LINGO2: variants seen among roughly 807,000 people sequenced by gnomAD.
LINGO2 encodes the protein leucine rich repeat and Ig domain containing 2, also known as leucine-rich repeat and immunoglobulin-like domain-containing nogo receptor-interacting protein 2.
A neutral mutation model predicts 30.6 loss-of-function variants in LINGO2; 14 were observed. The ratio of observed to expected loss-of-function variants is 0.46; its 90% CI spans 0.30 to 0.72. The LOEUF (loss-of-function observed/expected upper bound fraction) is 0.72. Among genes scored for constraint, LINGO2 ranks in the 30% least tolerant of loss-of-function variants. The pLI is 0.07. For synonymous variants in LINGO2, 317 were observed against 288.5 expected (o/e 1.10, Z -1.00); for missense variants, 729 against 751.7 (o/e 0.97, Z 0.35).
chr9:29,181,802 CCT>C, the LINGO2 span, among the ~76,000 whole-genome samples: 2 of 152,070 alleles, frequency 1.3e-5, no homozygotes, highest in Non-Finnish European at 2.9e-5. Flanking sequence ...AATTTGTATT[CCT>C]CTGAGTATTA....
intron 3 of LINGO2, among the ~76,000 whole-genome samples, chr9:28,305,881 C>G (rs187156816): frequency 1.3e-5 from 2 of 152,180 alleles, no homozygotes; most frequent in Non-Finnish European, 2.9e-5. Flanking sequence ...ACTATATTTA[C>G]ATTTAAGAGA....
the LINGO2 span, among the ~76,000 whole-genome samples, chr9:29,161,314 G>T: frequency 6.6e-6 from 1 of 151,974 alleles, no homozygotes; most frequent in African/African-American, 2.4e-5. Context: ...CACAGCCCCT[G>T]GGTGTTCTTT....
At chr9:29,087,842 A>T in the LINGO2 span, among the ~76,000 whole-genome samples, 1 of 152,082 alleles carries the variant, frequency 6.6e-6, no homozygotes, top group Non-Finnish European at 1.5e-5. Flanking sequence ...CAGCCCTGGG[A>T]TCCTGGGAAT....
rs935156986 is a variant in LINGO2 at position 28,109,728 on chromosome 9, C to A, written c.-86-97323G>T. Among the ~76,000 whole-genome samples the A allele has an allele frequency of 3.3e-5, 5 of 151,970 alleles. 1 individual carries two copies. Among genetic ancestry groups the A allele is most frequent in the African/African-American group, 1.2e-4 (5 of 41,382 alleles). On this transcript the variant is annotated intron_variant, in intron 4 of 5. Coordinates refer to ENST00000379992, the Ensembl canonical transcript of LINGO2. ...TCTTCAAGAACTACAAACCTCTGCT[C>A]AAGGAAATAAGAGAGGACACAAACA...
At chr9:28,752,171 G>T in the LINGO2 span, among the ~76,000 whole-genome samples, 4 of 151,866 alleles carry the variant, frequency 2.6e-5, no homozygotes, top group Non-Finnish European at 5.9e-5. Flanking sequence ...TGAACAACCT[G>T]GAAACATTGT....
chr9:28,872,178 G>C, the LINGO2 span, among the ~76,000 whole-genome samples: 6 of 151,956 alleles, frequency 3.9e-5, no homozygotes, highest in Admixed American at 2.6e-4. Flanking sequence ...CAAAATGATG[G>C]GCATGATAAA....
chr9:29,033,531 T>C, the LINGO2 span, among the ~76,000 whole-genome samples: 60,932 of 151,306 alleles, frequency 0.4, 12,445 homozygotes, highest in East Asian at 0.54. Flanking sequence ...ATAGAAGTGT[T>C]GCCAAGATTG....
the LINGO2 span, among the ~76,000 whole-genome samples, chr9:29,096,867 T>A: frequency 1.1e-4 from 15 of 139,690 alleles, 4 homozygotes; most frequent in African/African-American, 1.6e-4. Context: ...AATAATGAGA[T>A]TTTTTCAACA....
In LINGO2 at chr9:28,644,974, C is replaced by A. The variant is rs1827771349; in HGVS notation, c.-365+25226G>T. ...AAAAGAAGGGACAATTTAAAAATCC[C>A]AGATGATTACAAGGACAGGCCAATT... On this transcript the variant is annotated intron_variant, in intron 1 of 5. Coordinates refer to ENST00000379992, the Ensembl canonical transcript of LINGO2. Among the ~76,000 whole-genome samples the A allele has an allele frequency of 3.9e-5, 6 of 152,056 alleles. No homozygotes were observed. The South Asian group carries it at 1.2e-3, about 32-fold the overall frequency.
chr9:29,077,167 TTG>T, the LINGO2 span, among the ~76,000 whole-genome samples: 11 of 152,106 alleles, frequency 7.2e-5, no homozygotes, highest in African/African-American at 2.4e-4. Context: ...CTAATATTAT[TTG>T]TGTTACACAA....
chr9:28,548,702 CAAAAAAAAAAAA>C (rs147347396), intron 1 of LINGO2, among the ~76,000 whole-genome samples: 6 of 63,344 alleles, frequency 9.5e-5, no homozygotes, highest in African/African-American at 4.4e-4. Context: ...GACTCCATCT[CAAAAAAAAAAAA>C]AAAAAAAAAA....
the LINGO2 span, among the ~76,000 whole-genome samples, chr9:29,200,283 T>C: frequency 1.3e-5 from 2 of 152,070 alleles, no homozygotes; most frequent in African/African-American, 4.8e-5. Flanking sequence ...AAACGTAATG[T>C]ATTTCCAACA....
chr9:29,123,943 T>C, the LINGO2 span, among the ~76,000 whole-genome samples: 1 of 151,950 alleles, frequency 6.6e-6, no homozygotes, highest in Admixed American at 6.6e-5. Context: ...ACCCAATTTC[T>C]ATTTCACAAA....
At chr9:29,186,571 C>A in the LINGO2 span, among the ~76,000 whole-genome samples, 6 of 152,010 alleles carry the variant, frequency 3.9e-5, no homozygotes, top group African/African-American at 1.4e-4. Context: ...GGGATACTAG[C>A]CATCAGAATA....
intron 4 of LINGO2, among the ~76,000 whole-genome samples, chr9:28,244,713 G>A (rs11496265): frequency 0.47 from 71,534 of 151,350 alleles, 17,059 homozygotes; most frequent in African/African-American, 0.53. Context: ...AGAAATGGAT[G>A]AATTCCTGGA....
the LINGO2 span, among the ~76,000 whole-genome samples, chr9:28,964,213 T>C: frequency 3.3e-3 from 503 of 152,032 alleles, 13 homozygotes; most frequent in Admixed American, 0.03. Flanking sequence ...TCAGAAGTTA[T>C]ATGAACTAGA....
At chr9:28,281,820 G>A (rs1429367704) in intron 4 of LINGO2, among the ~76,000 whole-genome samples, 1 of 152,064 alleles carries the variant, frequency 6.6e-6, no homozygotes, top group Non-Finnish European at 1.5e-5. Flanking sequence ...TGACAGACTT[G>A]TTTCTAGACT....
At position 28,368,934 on chromosome 9, in the gene LINGO2, T is replaced by A. The variant is rs150961324; in HGVS notation, c.-246+3902A>T. Reference sequence around the variant, plus strand: ...TTCTGTCCTAAACTGATCTTAGGATTTGCAAGACCAGTACTTCTCCAGTTG... The same window carrying A: ...TTCTGTCCTAAACTGATCTTAGGATATGCAAGACCAGTACTTCTCCAGTTG... On this transcript the variant is annotated intron_variant, in intron 3 of 5. Transcript: ENST00000379992. Among the ~76,000 whole-genome samples, 1,067 of 152,290 alleles carry A rather than the reference T, an allele frequency of 7.0e-3. 5 individuals carry two copies. Among genetic ancestry groups the A allele is most frequent in the Non-Finnish European group, 0.011 (723 of 68,006 alleles).
chr9:28,318,146 C>A (rs1824910897), intron 3 of LINGO2, among the ~76,000 whole-genome samples: 1 of 152,148 alleles, frequency 6.6e-6, no homozygotes, highest in Non-Finnish European at 1.5e-5. Context: ...ATTTGCTTCA[C>A]AATCGGAACA....
Sources: allele counts gnomAD v4.1 joint callset (sites outside exome capture counted in the v4.1 genomes callset), GRCh38; gene constraint gnomAD v4.1.1; transcripts MANE v1.5; gene names NCBI Gene and HGNC (gene_info 2026-07-23, HGNC 2026-07-21).